Variants in NRXN1 observed in about 807,000 individuals in gnomAD.
The protein encoded by NRXN1 is neurexin-1.
A neutral mutation model predicts 150.9 loss-of-function variants in NRXN1; 39 were observed. The ratio of observed to expected loss-of-function variants is 0.26; its 90% CI spans 0.20 to 0.34. The LOEUF is 0.34. Ranked by LOEUF, NRXN1 falls within the 10% of genes least tolerant of loss-of-function variation. The pLI is 1.00. For synonymous variants in NRXN1, 924 were observed against 757.0 expected (o/e 1.22, Z -3.62); for missense variants, 1,815 against 1,949.9 (o/e 0.93, Z 1.30).
At chr2:50,846,565 G>C (rs1156622172) in intron 5 of NRXN1, among the ~76,000 whole-genome samples, 1 of 152,018 alleles carries the variant, frequency 6.6e-6, no homozygotes, top group Non-Finnish European at 1.5e-5. Flanking sequence ...GCAATAAATA[G>C]ATCTTACACC....
intron 17 of NRXN1, among the ~76,000 whole-genome samples, chr2:50,453,538 C>A (rs975479128): frequency 1.3e-5 from 2 of 152,154 alleles, no homozygotes; most frequent in African/African-American, 2.4e-5. Context: ...ACCTATTAAG[C>A]TGATTTCAGG....
At chr2:50,465,847 T>C (rs1183376857) in intron 16 of NRXN1, among the ~76,000 whole-genome samples, 2 of 151,890 alleles carry the variant, frequency 1.3e-5, no homozygotes, top group Non-Finnish European at 2.9e-5. Context: ...GGTAATCTCA[T>C]TCCAACTTCA....
At position 50,213,728 on chromosome 2, in the gene NRXN1, A is replaced by C. The variant is rs190011527; in HGVS notation, c.3546+23061T>G. Among the ~76,000 whole-genome samples, 739 of 152,004 alleles carry C rather than the reference A, an allele frequency of 4.9e-3. 8 individuals are homozygous for C. The highest frequency in any genetic ancestry group is 0.017 in the African/African-American group (699 of 41,534). On this transcript the variant is annotated intron_variant, in intron 18 of 22. Transcript: ENST00000401669. ...TTCAAAGAATCTTGTTTGGACTCCTAACCAAGAATTCTAATCACTTTTAAT... is the reference window on the plus strand; with the variant it reads ...TTCAAAGAATCTTGTTTGGACTCCTCACCAAGAATTCTAATCACTTTTAAT...
rs768098016 is a variant in NRXN1 at position 50,623,572 on chromosome 2, G to C, written c.876C>G (p.Phe292Leu). The C allele has an allele frequency of 1.2e-5, 20 of 1,613,148 alleles. No homozygotes were observed. Among genetic ancestry groups the C allele is most frequent in the Non-Finnish European group, 1.7e-5 (20 of 1,179,382 alleles). ...TGGGGTTTTGAGACAAGTCGTAGCA[G>C]AAGTATTCAGATCCTTTGAACGTGG... ...YIATFKGSEY[F>L]CYDLSQNPIQ... The change falls in exon 6 of 23, where the codon TTC becomes TTG. Residue 292 changes from phenylalanine to leucine, a missense_variant. By Grantham distance (22) the Phe-to-Leu change is conservative. Around this residue, in one of 6 missense-constraint regions of NRXN1, gnomAD observed 554 missense variants for 478.8 expected, o/e 1.16. Transcript: ENST00000401669.
In NRXN1 at chr2:51,027,550, C is replaced by G. The variant is rs878854254; in HGVS notation, c.724G>C (p.Val242Leu). 3.5e-5 allele frequency: 55 copies of G among 1,590,472 alleles called. No homozygotes were observed. The highest frequency in any genetic ancestry group is 4.6e-5 in the Non-Finnish European group (54 of 1,164,676). Residue 242 changes from valine to leucine, a missense_variant, in exon 2 of 23, where the codon GTG (valine) becomes CTG (leucine). Val to Leu is a conservative substitution (Grantham distance 32). Coordinates refer to ENST00000401669, the MANE Select transcript of NRXN1 (RefSeq NM_001330078.2). ...GVCSVVDDQA[V>L]CDCSRTGFRG... ...AAGCCGGTTCGCGAGCAGTCGCACACGGCCTGGTCGTCCACCACGGAGCAC... is the reference window on the plus strand; with the variant it reads ...AAGCCGGTTCGCGAGCAGTCGCACAGGGCCTGGTCGTCCACCACGGAGCAC...
At chr2:50,635,321 C>CTTTT (rs60283749) in intron 5 of NRXN1, among the ~76,000 whole-genome samples, 1 of 139,216 alleles carries the variant, frequency 7.2e-6, no homozygotes, top group Non-Finnish European at 1.6e-5. Context: ...CCATGCCTAG[C>CTTTT]TTTTTTTTTT....
intron 18 of NRXN1, among the ~76,000 whole-genome samples, chr2:50,136,833 A>T (rs1706484702): frequency 6.6e-6 from 1 of 152,216 alleles, no homozygotes. Context: ...AACTTAACAG[A>T]ATAAACATAT....
intron 5 of NRXN1, among the ~76,000 whole-genome samples, chr2:50,682,036 T>C (rs766017509): frequency 9.1e-4 from 139 of 152,304 alleles, no homozygotes; most frequent in Non-Finnish European, 1.7e-3. Flanking sequence ...TAAATGTGCC[T>C]GGCACAGGGT....
rs773847786 is a variant in NRXN1, at chr2:50,053,501, G to A, written c.3898C>T (p.Leu1300=). The part of the protein sequence containing the change: ...GQPFQGQLSG[L]YYNGLKVLNM... Reference sequence around the variant, plus strand: ...AGAACTTTCAAGCCATTGTAGTACAGCCCAGAGAGCTGGCCCTGGAAGGGC... The same window carrying A: ...AGAACTTTCAAGCCATTGTAGTACAACCCAGAGAGCTGGCCCTGGAAGGGC... The change falls in exon 21 of 23, where the codon CTG becomes TTG. Residue 1300 remains leucine (L), a synonymous_variant. Coordinates refer to ENST00000401669, the MANE Select transcript of NRXN1 (RefSeq NM_001330078.2). The A allele has an allele frequency of 1.9e-6, 3 of 1,613,960 alleles. No homozygotes were observed. The highest frequency in any genetic ancestry group is 2.5e-6 in the Non-Finnish European group (3 of 1,179,944).
Position 50,496,089 on chromosome 2 carries a change from T to C in NRXN1, c.2886A>G (p.Leu962=). The change falls in exon 15 of 23, where the codon TTA becomes TTG. Residue 962 remains leucine (L), a synonymous_variant. Transcript: ENST00000401669. Reference sequence around the variant, plus strand: ...CATTTCCCAAATCAAACACGTAATGTAAGTACCTGGGAAAAAAATGAAAGA... The same window carrying C: ...CATTTCCCAAATCAAACACGTAATGCAAGTACCTGGGAAAAAAATGAAAGA... ...FIVVELVKGY[L]HYVFDLGNGA... 6.3e-7 allele frequency: 1 copy of C among 1,597,502 alleles called. No homozygotes were observed. Among genetic ancestry groups the C allele is most frequent in the Non-Finnish European group, 8.5e-7 (1 of 1,171,154 alleles).
chr2:49,941,148 T>C (rs533710257), intron 22 of NRXN1, among the ~76,000 whole-genome samples: 25 of 152,006 alleles, frequency 1.6e-4, no homozygotes, highest in Non-Finnish European at 3.1e-4. Context: ...GAATTTACCT[T>C]GTGGGGAGAT....
chr2:50,918,406 A>G (rs1279012171), intron 5 of NRXN1: 1 of 310,826 alleles, frequency 3.2e-6, no homozygotes, highest in Non-Finnish European at 5.9e-6. Context: ...TAGAGCTTAC[A>G]CTCTACTAGG....
chr2:50,976,946 T>C (rs773244134), intron 2 of NRXN1, among the ~76,000 whole-genome samples: 2 of 152,064 alleles, frequency 1.3e-5, no homozygotes, highest in African/African-American at 2.4e-5. Flanking sequence ...AGGTCAAAGA[T>C]GCCTTCTTAT....
At chr2:50,627,752 T>A (rs975860523) in intron 5 of NRXN1, among the ~76,000 whole-genome samples, 3 of 151,734 alleles carry the variant, frequency 2.0e-5, no homozygotes, top group African/African-American at 7.2e-5. Context: ...ACCCATTAAT[T>A]TACATTATTA....
chr2:50,253,567 T>A lies in NRXN1; in HGVS notation c.3365-16597A>T, dbSNP rs114800726. ...GTGCATTTATCATAAATGGCTCTTA[T>A]GATTTTGAGATATGTTACATTAACA... On this transcript the variant is annotated intron_variant, in intron 17 of 22. Transcript: ENST00000401669. Among the ~76,000 whole-genome samples, 666 of 152,290 alleles carry A rather than the reference T, an allele frequency of 4.4e-3. 7 individuals carry two copies. Among genetic ancestry groups the A allele is most frequent in the African/African-American group, 0.016 (651 of 41,576 alleles).
intron 5 of NRXN1, among the ~76,000 whole-genome samples, chr2:50,685,989 A>C (rs567664344): frequency 7.8e-4 from 119 of 152,210 alleles, no homozygotes; most frequent in African/African-American, 2.7e-3. Context: ...GGCTTTCTCT[A>C]AAGTATAATT....
In NRXN1 at chr2:50,154,608, G is replaced by A. The variant is rs185735594; in HGVS notation, c.3547-63114C>T. ...ATATAATTAGCCACAGAATATTATA[G>A]TACTTCAATAAAGAAAGGCTCCTAT... is the stretch of plus-strand genomic sequence containing the variant. On this transcript the variant is annotated intron_variant, in intron 18 of 22. Coordinates refer to ENST00000401669, the MANE Select transcript of NRXN1 (RefSeq NM_001330078.2). Among the ~76,000 whole-genome samples, 25 of 151,696 alleles carry A rather than the reference G, an allele frequency of 1.6e-4. 2 individuals are homozygous for A. In the East Asian group the frequency reaches 4.9e-3, roughly 29 times the overall value.
At chr2:50,980,733 C>G (rs1044741582) in intron 2 of NRXN1, among the ~76,000 whole-genome samples, 3 of 152,006 alleles carry the variant, frequency 2.0e-5, no homozygotes, top group African/African-American at 7.2e-5. Context: ...TATTGAAAAC[C>G]AAAGTTGCCA....
chr2:49,944,786 T>C (rs1672596037), intron 21 of NRXN1, among the ~76,000 whole-genome samples: 1 of 152,180 alleles, frequency 6.6e-6, no homozygotes, highest in African/African-American at 2.4e-5. Context: ...ACTAAAGAGA[T>C]TAGAATTGTT....
Sources: gnomAD v4.1 joint callset for allele counts (sites outside exome capture counted in the v4.1 genomes callset) on GRCh38, gnomAD v4.1.1 for gene constraint, gnomAD v4.1.1 regional missense constraint, MANE v1.5 for transcripts, NCBI Gene and HGNC (gene_info 2026-07-23, HGNC 2026-07-21) for gene names.